GRIN2B: variants seen among roughly 807,000 people sequenced by gnomAD.
GRIN2B encodes glutamate ionotropic receptor NMDA type subunit 2B, also known as glutamate receptor ionotropic, NMDA 2B.
A neutral mutation model predicts 114.5 loss-of-function variants in GRIN2B; 5 were observed. The ratio of observed to expected loss-of-function variants is 0.04; its 90% confidence interval spans 0.02 to 0.09. The LOEUF is 0.09. Among genes scored for constraint, GRIN2B ranks in the 10% least tolerant of loss-of-function variants. GRIN2B has a pLI of 1.00. For missense variants in GRIN2B, 1,108 were observed against 1,943.5 expected, an observed-to-expected ratio of 0.57 and a Z score of 8.08; for synonymous variants, 787 against 745.1, an observed-to-expected ratio of 1.06 and a Z score of -0.92.
At chr12:13,971,597 C>A (rs1045436712) in intron 2 of GRIN2B, among the ~76,000 whole-genome samples, 1 of 152,124 alleles carries the variant, frequency 6.6e-6, no homozygotes, top group African/African-American at 2.4e-5. Flanking sequence ...CATTCACACC[C>A]CTCACCAATC....
At position 13,559,876 on chromosome 12, in the gene GRIN2B, T is replaced by G. The variant is rs1260139124; in HGVS notation, c.*2907A>C. On this transcript the variant is annotated 3_prime_UTR_variant, in exon 14 of 14. Transcript: ENST00000609686. ...CATCAGAGGAGGCCGCTGGGAGATTTCTCAGGATTGAGCTTCCTGAAACCT... is the reference window on the plus strand; with the variant it reads ...CATCAGAGGAGGCCGCTGGGAGATTGCTCAGGATTGAGCTTCCTGAAACCT... 1 of 152,194 alleles carries G rather than the reference T, an allele frequency of 6.6e-6. No individual in the cohort carries two copies. Among genetic ancestry groups the G allele is most frequent in the Non-Finnish European group, 1.5e-5 (1 of 68,042 alleles). The allele number at this position is 152,194 out of a possible 1,614,324, so 9.4% of individuals were successfully genotyped here. A position where few individuals can be genotyped will look rare whatever the true frequency, so the allele number is the denominator to read the frequency against.
chr12:13,660,056 G>T (rs1318268960), intron 5 of GRIN2B, among the ~76,000 whole-genome samples: 1 of 152,130 alleles, frequency 6.6e-6, no homozygotes, highest in Non-Finnish European at 1.5e-5. Flanking sequence ...ACTTGGGCAG[G>T]GTTGCTCACA....
chr12:13,908,831 T>C (rs1469453707), intron 2 of GRIN2B, among the ~76,000 whole-genome samples: 1 of 152,184 alleles, frequency 6.6e-6, no homozygotes, highest in African/African-American at 2.4e-5. Context: ...CACCAGTATA[T>C]TCAGTGATTG....
At chr12:13,932,709 A>G (rs1867055715) in intron 2 of GRIN2B, among the ~76,000 whole-genome samples, 1 of 152,186 alleles carries the variant, frequency 6.6e-6, no homozygotes, top group Non-Finnish European at 1.5e-5. Context: ...ATTTCCAGAA[A>G]TGGGAAGGAT....
intron 3 of GRIN2B, among the ~76,000 whole-genome samples, chr12:13,798,414 A>T (rs1864453280): frequency 6.6e-6 from 1 of 152,170 alleles, no homozygotes. Context: ...CTAGCTCATT[A>T]ACCTTGGATA....
chr12:13,962,142 C>T (rs1242501421), intron 2 of GRIN2B, among the ~76,000 whole-genome samples: 1 of 138,092 alleles, frequency 7.2e-6, no homozygotes, highest in African/African-American at 2.5e-5. Flanking sequence ...CTGGCTCTTC[C>T]ACACAGTGAG....
At chr12:13,803,334 TACTTA>T in intron 3 of GRIN2B, among the ~76,000 whole-genome samples, 1 of 152,230 alleles carries the variant, frequency 6.6e-6, no homozygotes, top group East Asian at 1.9e-4. Context: ...GGGTCAACTG[TACTTA>T]ACTTTAACAG....
At chr12:13,859,320 T>C (rs1865715093) in intron 3 of GRIN2B, among the ~76,000 whole-genome samples, 1 of 152,226 alleles carries the variant, frequency 6.6e-6, no homozygotes, top group African/African-American at 2.4e-5. Flanking sequence ...CAGCACCAAG[T>C]GCCTGTATTT....
chr12:13,652,616 T>C (rs1949825379), intron 5 of GRIN2B, among the ~76,000 whole-genome samples: 3 of 151,944 alleles, frequency 2.0e-5, no homozygotes, highest in Non-Finnish European at 4.4e-5. Flanking sequence ...TAAGAAATTA[T>C]GGAAAAAGAG....
At chr12:13,659,687 T>C (rs1050457983) in intron 5 of GRIN2B, among the ~76,000 whole-genome samples, 12 of 152,204 alleles carry the variant, frequency 7.9e-5, no homozygotes, top group African/African-American at 2.9e-4. Context: ...TTACTCCCTC[T>C]GCCTGAAATA....
rs1178169690 is a variant in GRIN2B, at chr12:13,700,629, C to T, written c.1011-24770G>A. ...TTGAGTCCTGGTGACTCCCAGGTGA[C>T]AGCTAGTACCAGTCTACCAGGCATA... On this transcript the variant is annotated intron_variant, in intron 4 of 13. Coordinates refer to ENST00000609686, the MANE Select transcript of GRIN2B (RefSeq NM_000834.5). 2.6e-5 allele frequency among the ~76,000 whole-genome samples: 4 copies of T among 152,284 alleles called. No individual in the cohort carries two copies. The East Asian group carries it at 7.7e-4, about 29-fold the overall frequency.
chr12:13,869,037 T>C (rs1761566224), intron 2 of GRIN2B, among the ~76,000 whole-genome samples: 1 of 152,188 alleles, frequency 6.6e-6, no homozygotes, highest in Non-Finnish European at 1.5e-5. Flanking sequence ...GCTCTCCCTG[T>C]AGAATTGAGC....
intron 3 of GRIN2B, among the ~76,000 whole-genome samples, chr12:13,832,778 T>C (rs1037121796): frequency 3.9e-5 from 6 of 152,138 alleles, no homozygotes; most frequent in Non-Finnish European, 8.8e-5. Context: ...TTCAAGTAAA[T>C]ATTTTTGCAT....
intron 10 of GRIN2B, among the ~76,000 whole-genome samples, chr12:13,596,631 A>G (rs1949076780): frequency 6.6e-6 from 1 of 152,228 alleles, no homozygotes; most frequent in African/African-American, 2.4e-5. Flanking sequence ...ACTGCCTAGC[A>G]GAGAGAAAAC....
chr12:13,730,262 AT>A (rs1863064940), intron 4 of GRIN2B, among the ~76,000 whole-genome samples: 1 of 152,206 alleles, frequency 6.6e-6, no homozygotes, highest in African/African-American at 2.4e-5. Flanking sequence ...AGAAAATACA[AT>A]TTTTAATGAT....
chr12:13,621,988 G>A (rs1475194019), intron 5 of GRIN2B, among the ~76,000 whole-genome samples: 1 of 151,896 alleles, frequency 6.6e-6, no homozygotes, highest in Non-Finnish European at 1.5e-5. Context: ...GTTGATGTGA[G>A]CAGAAGGGCG....
At chr12:13,674,598 C>T (rs566221083) in intron 5 of GRIN2B, among the ~76,000 whole-genome samples, 1 of 152,078 alleles carries the variant, frequency 6.6e-6, no homozygotes, top group Non-Finnish European at 1.5e-5. Flanking sequence ...TCTCTGGCCT[C>T]ATTTTCTGGT....
intron 5 of GRIN2B, among the ~76,000 whole-genome samples, chr12:13,651,798 CA>C (rs1949815726): frequency 6.6e-6 from 1 of 152,104 alleles, no homozygotes; most frequent in African/African-American, 2.4e-5. Context: ...GAGGTTTGAA[CA>C]GATCCACGTT....
At chr12:13,970,003 C>T (rs760646600) in intron 2 of GRIN2B, among the ~76,000 whole-genome samples, 15 of 152,178 alleles carry the variant, frequency 9.9e-5, no homozygotes, top group Non-Finnish European at 1.8e-4. Flanking sequence ...TAGGCAACTG[C>T]CACCGTGCCC....
Sources: gnomAD v4.1 joint callset for allele counts (sites outside exome capture counted in the v4.1 genomes callset) on GRCh38, gnomAD v4.1.1 for gene constraint, MANE v1.5 for transcripts, NCBI Gene and HGNC (gene_info 2026-07-23, HGNC 2026-07-21) for gene names.